The following NFATC3 variants were observed in gnomAD, a reference collection of about 807,000 sequenced individuals.
NFATC3 encodes nuclear factor of activated T cells 3, also known as nuclear factor of activated T-cells, cytoplasmic 3.
NFATC3 carries 46 observed loss-of-function variants against 98.6 expected under a neutral mutation model. That is an observed-to-expected ratio of 0.47 (90% CI 0.37 to 0.60). The LOEUF (loss-of-function observed/expected upper bound fraction) is 0.60, where lower values mean the gene tolerates loss of function less well. Ranked by LOEUF, NFATC3 falls within the 20% of genes least tolerant of loss-of-function variation. The pLI is 0.00. For missense variants in NFATC3, 1,256 were observed against 1,295.5 expected (o/e 0.97, Z 0.47); for synonymous variants, 512 against 472.2 (o/e 1.08, Z -1.09).
intron 4 of NFATC3, among the ~76,000 whole-genome samples, chr16:68,163,279 G>A (rs1451446949): frequency 2.0e-5 from 3 of 152,044 alleles, no homozygotes; most frequent in East Asian, 2.0e-4. Context: ...GGTGGTGGCC[G>A]GGCAGAGGGG....
At chr16:68,223,915 A>T (rs2041953223) in intron 9 of NFATC3, among the ~76,000 whole-genome samples, 1 of 149,938 alleles carries the variant, frequency 6.7e-6, no homozygotes, top group Non-Finnish European at 1.5e-5. Context: ...AAAAAAAAAA[A>T]TCTGACAAAG....
At chr16:68,124,423 TTTTC>T (rs1226282292) in intron 2 of NFATC3, among the ~76,000 whole-genome samples, 1 of 103,794 alleles carries the variant, frequency 9.6e-6, no homozygotes, top group Non-Finnish European at 1.8e-5. Flanking sequence ...GGGGTTTTTC[TTTTC>T]TTTCTTTTTT....
At chr16:68,100,864 CTTA>C (rs772225115) in intron 1 of NFATC3, among the ~76,000 whole-genome samples, 163 of 149,456 alleles carry the variant, frequency 1.1e-3, no homozygotes, top group Non-Finnish European at 7.0e-4. Flanking sequence ...GGGTTGTTTT[CTTA>C]TTGTTGAATT....
intron 5 of NFATC3, among the ~76,000 whole-genome samples, chr16:68,173,934 A>G (rs2039579959): frequency 6.6e-6 from 1 of 152,162 alleles, no homozygotes; most frequent in Non-Finnish European, 1.5e-5. Context: ...GGATTGTTTG[A>G]AGCCAGGAGT....
At chr16:68,162,687 T>C (rs1057291191) in intron 4 of NFATC3, among the ~76,000 whole-genome samples, 2 of 151,968 alleles carry the variant, frequency 1.3e-5, no homozygotes, top group Admixed American at 1.3e-4. Flanking sequence ...TCCGACAAGG[T>C]TGACTTTATA....
intron 1 of NFATC3, among the ~76,000 whole-genome samples, chr16:68,106,959 C>G (rs1366044305): frequency 6.6e-6 from 1 of 152,080 alleles, no homozygotes; most frequent in Admixed American, 6.6e-5. Context: ...GTTCCCCTCC[C>G]TGTGTCCATG....
At chr16:68,177,318 T>C (rs1371274173) in intron 6 of NFATC3, among the ~76,000 whole-genome samples, 1 of 152,216 alleles carries the variant, frequency 6.6e-6, no homozygotes, top group African/African-American at 2.4e-5. Context: ...CCCAAAGTCC[T>C]TGGATTACAG....
At chr16:68,119,345 C>T (rs1279994115) in intron 1 of NFATC3, among the ~76,000 whole-genome samples, 2 of 152,148 alleles carry the variant, frequency 1.3e-5, no homozygotes, top group Admixed American at 6.6e-5. Flanking sequence ...TCTTTTCTCA[C>T]CTGGATGATT....
chr16:68,118,291 G>T (rs540343019), intron 1 of NFATC3, among the ~76,000 whole-genome samples: 1 of 152,250 alleles, frequency 6.6e-6, no homozygotes, highest in Non-Finnish European at 1.5e-5. Context: ...CCACTTAGTA[G>T]CACTTACCAT....
intron 9 of NFATC3, among the ~76,000 whole-genome samples, chr16:68,223,685 A>G (rs1399569723): frequency 6.6e-6 from 1 of 151,920 alleles, no homozygotes; most frequent in African/African-American, 2.4e-5. Flanking sequence ...TCATGAGGTC[A>G]GGAGTTCAAG....
At chr16:68,138,807 C>G in intron 3 of NFATC3, 1 of 1,246,144 alleles carries the variant, frequency 8.0e-7, no homozygotes, top group Non-Finnish European at 1.0e-6. Flanking sequence ...AGTGTGCCTT[C>G]TATGCCACAT....
intron 9 of NFATC3, chr16:68,212,650 A>G (rs1465188801): frequency 6.6e-6 from 1 of 152,196 alleles, no homozygotes; most frequent in Non-Finnish European, 1.5e-5. Flanking sequence ...ACAATAAAAT[A>G]CAAGGATTAT....
Position 68,085,788 on chromosome 16 carries a change from G to A in NFATC3, c.103+4G>A. ...CCCCCGGGCTCGCGGCCTGCAGGTG[G>A]GTGCCGGGCCAGGCGGGACCGTGGA... On this transcript the variant is annotated splice_donor_region_variant and intron_variant, in intron 1 of 9. Transcript: ENST00000346183. 6.8e-7 allele frequency: 1 copy of A among 1,471,356 alleles called. No homozygotes were observed. The highest frequency in any genetic ancestry group is 8.9e-7 in the Non-Finnish European group (1 of 1,119,294). The allele number at this position is 1,471,356 out of a possible 1,614,324, so 91.1% of individuals were successfully genotyped here. A position where few individuals can be genotyped will look rare whatever the true frequency, so the allele number is the denominator to read the frequency against.
intron 3 of NFATC3, among the ~76,000 whole-genome samples, chr16:68,140,955 C>T (rs2037719731): frequency 6.6e-6 from 1 of 152,106 alleles, no homozygotes; most frequent in South Asian, 2.1e-4. Context: ...TCCTATCCTA[C>T]CCTCTTCTGA....
At position 68,215,394 on chromosome 16, in the gene NFATC3, G is replaced by A. The variant is rs117476158; in HGVS notation, c.3107-10956G>A. ...CCTCATATTAGGGGTGAGAAAATAA[G>A]TTGCAGAAGGATTAGTTAAGTCACC... On this transcript the variant is annotated intron_variant, in intron 9 of 9. Coordinates refer to ENST00000346183, the MANE Select transcript of NFATC3 (RefSeq NM_173165.3). 5.3e-5 allele frequency among the ~76,000 whole-genome samples: 8 copies of A among 152,310 alleles called. No individual in the cohort carries two copies. The East Asian group carries it at 1.5e-3, about 29-fold the overall frequency.
In NFATC3 at chr16:68,133,078, C is replaced by T. The variant is rs376887200; in HGVS notation, c.1401+6468C>T. Among the ~76,000 whole-genome samples, 178 of 152,190 alleles carry T rather than the reference C, an allele frequency of 1.2e-3. 2 individuals carry two copies. Among genetic ancestry groups the T allele is most frequent in the African/African-American group, 3.7e-3 (152 of 41,516 alleles). ...GTCAGGAGTTCGAGAACAGCCTGGC[C>T]AACATGGTGAAACCCTGTGTCTATT... On this transcript the variant is annotated intron_variant, in intron 3 of 9. Coordinates refer to ENST00000346183, the MANE Select transcript of NFATC3 (RefSeq NM_173165.3).
chr16:68,221,298 C>T (rs774270721), intron 9 of NFATC3: 8 of 1,613,108 alleles, frequency 5.0e-6, no homozygotes, highest in Non-Finnish European at 6.8e-6. Flanking sequence ...AGAGCCTGAA[C>T]CCAGAGCCCC....
intron 1 of NFATC3, among the ~76,000 whole-genome samples, chr16:68,120,341 G>A (rs1413689917): frequency 6.6e-6 from 1 of 151,356 alleles, no homozygotes; most frequent in African/African-American, 2.4e-5. Context: ...ACTTTGGGAG[G>A]CCAAGGAGGG....
intron 3 of NFATC3, among the ~76,000 whole-genome samples, chr16:68,151,210 G>A (rs187290539): frequency 6.6e-6 from 1 of 152,022 alleles, no homozygotes; most frequent in East Asian, 1.9e-4. Flanking sequence ...GTTTCAAAGT[G>A]AAAAGCCTTG....
Sources: allele counts gnomAD v4.1 joint callset (sites outside exome capture counted in the v4.1 genomes callset), GRCh38; gene constraint gnomAD v4.1.1; transcripts MANE v1.5; gene names NCBI Gene and HGNC (gene_info 2026-07-23, HGNC 2026-07-21).